The following ZNF618 variants were observed in gnomAD, a reference collection of about 807,000 sequenced individuals.
The protein encoded by ZNF618 is neural precursor cell expressed, developmentally down-regulated 10.
A neutral mutation model predicts 103.0 loss-of-function variants in ZNF618; 34 were observed. That is an observed-to-expected ratio of 0.33 (90% CI 0.25 to 0.44). The LOEUF (loss-of-function observed/expected upper bound fraction) is 0.44. Ranked by LOEUF, ZNF618 falls within the 20% of genes least tolerant of loss-of-function variation. The probability of loss-of-function intolerance (pLI) is 1.00; values close to 1 mark genes in which losing one functional copy is unlikely to be tolerated. For synonymous variants in ZNF618, 551 were observed against 542.2 expected, an observed-to-expected ratio of 1.02 and a Z score of -0.23; for missense variants, 1,059 against 1,295.4, an observed-to-expected ratio of 0.82 and a Z score of 2.80.
At position 113,898,008 on chromosome 9, in the gene ZNF618, G is replaced by A. The variant is rs139080378; in HGVS notation, c.33+21595G>A. Among the ~76,000 whole-genome samples, 1,034 of 152,260 alleles carry A rather than the reference G, an allele frequency of 6.8e-3. 9 individuals are homozygous for A. Among genetic ancestry groups the A allele is most frequent in the Non-Finnish European group, 7.0e-3 (477 of 68,006 alleles). On this transcript the variant is annotated intron_variant, in intron 1 of 14. Transcript: ENST00000374126. ...GGATTTTTCCATGTTGGGCAGGCTGGTCTTGAACTCCTGACCTCAGATGAT... is the reference window on the plus strand; with the variant it reads ...GGATTTTTCCATGTTGGGCAGGCTGATCTTGAACTCCTGACCTCAGATGAT...
chr9:113,976,944 G>A (rs917621477), intron 2 of ZNF618, among the ~76,000 whole-genome samples: 1 of 152,106 alleles, frequency 6.6e-6, no homozygotes, highest in Non-Finnish European at 1.5e-5. Context: ...TCCTAGCAAC[G>A]ATCCCTGCAT....
At chr9:113,972,802 C>T (rs915463314) in intron 2 of ZNF618, among the ~76,000 whole-genome samples, 2 of 152,204 alleles carry the variant, frequency 1.3e-5, no homozygotes, top group Non-Finnish European at 2.9e-5. Context: ...TGCGGTGGCT[C>T]ACCCCTGTAA....
intron 13 of ZNF618, among the ~76,000 whole-genome samples, chr9:114,038,651 C>A (rs1048346938): frequency 1.2e-4 from 18 of 152,206 alleles, no homozygotes; most frequent in African/African-American, 4.3e-4. Context: ...CCTGGCGTGC[C>A]TTGGTGACGT....
chr9:114,039,059 C>A (rs1844885109), intron 13 of ZNF618, among the ~76,000 whole-genome samples: 1 of 152,174 alleles, frequency 6.6e-6, no homozygotes, highest in African/African-American at 2.4e-5. Context: ...TATGCAGTCA[C>A]TGTGGCAGGC....
chr9:113,969,248 C>T, intron 2 of ZNF618, 88 bp downstream of exon 2: 1 of 1,529,270 alleles, frequency 6.5e-7, no homozygotes, highest in Non-Finnish European at 9.1e-7. Context: ...CCTCATCTTC[C>T]CCCTGGAAGG....
At chr9:114,000,532 G>A (rs981229167) in intron 4 of ZNF618, among the ~76,000 whole-genome samples, 1 of 148,610 alleles carries the variant, frequency 6.7e-6, no homozygotes, top group African/African-American at 2.5e-5. Flanking sequence ...TTTTATGTGT[G>A]GCCCAAGACA....
At chr9:113,950,889 G>A (rs985554685) in intron 1 of ZNF618, among the ~76,000 whole-genome samples, 7 of 151,658 alleles carry the variant, frequency 4.6e-5, no homozygotes, top group African/African-American at 1.5e-4. Context: ...GTGGAAGCAG[G>A]TCCAGGAACC....
At chr9:114,001,905 G>C (rs1399911530) in intron 4 of ZNF618, 91 bp from the exon 5 acceptor site, 1 of 1,119,388 alleles carries the variant, frequency 8.9e-7, no homozygotes, top group Non-Finnish European at 1.4e-6. Context: ...GGGACAGAGA[G>C]TTAGCCACAC....
At chr9:113,884,624 C>T (rs1353926300) in intron 1 of ZNF618, among the ~76,000 whole-genome samples, 3 of 152,112 alleles carry the variant, frequency 2.0e-5, no homozygotes, top group African/African-American at 7.2e-5. Flanking sequence ...TGGCCAGCGG[C>T]CTCAGAGTCC....
intron 1 of ZNF618, among the ~76,000 whole-genome samples, chr9:113,915,935 T>G (rs1832030257): frequency 6.6e-6 from 1 of 152,250 alleles, no homozygotes; most frequent in African/African-American, 2.4e-5. Context: ...AGATGCTTAT[T>G]AAATATTCGT....
chr9:113,965,089 T>C (rs1837263953), intron 1 of ZNF618, among the ~76,000 whole-genome samples: 1 of 152,020 alleles, frequency 6.6e-6, no homozygotes. Context: ...TGCTTGGATT[T>C]ATTTCCAATA....
chr9:113,999,262 G>A (rs547180292), intron 4 of ZNF618, among the ~76,000 whole-genome samples: 4 of 151,130 alleles, frequency 2.6e-5, no homozygotes, highest in African/African-American at 4.9e-5. Context: ...TAGGCTGATC[G>A]AGGGGCAGGC....
intron 10 of ZNF618, among the ~76,000 whole-genome samples, chr9:114,024,173 A>G (rs1431767883): frequency 6.6e-6 from 1 of 152,184 alleles, no homozygotes; most frequent in Admixed American, 6.5e-5. Context: ...CCTGTCTTCA[A>G]GTTCACTGAT....
chr9:113,997,375 C>G (rs959207413), intron 3 of ZNF618, among the ~76,000 whole-genome samples: 11 of 152,176 alleles, frequency 7.2e-5, no homozygotes, highest in African/African-American at 2.7e-4. Context: ...TCCCAAAATG[C>G]TGAGATTCAC....
At chr9:113,938,840 G>A (rs1048831621) in intron 1 of ZNF618, among the ~76,000 whole-genome samples, 1 of 152,162 alleles carries the variant, frequency 6.6e-6, no homozygotes, top group African/African-American at 2.4e-5. Flanking sequence ...GAAGTGCTGG[G>A]ATTACAGGTG....
intron 1 of ZNF618, among the ~76,000 whole-genome samples, chr9:113,963,865 T>TG (rs979946212): frequency 6.6e-6 from 1 of 152,130 alleles, no homozygotes; most frequent in Non-Finnish European, 1.5e-5. Flanking sequence ...GCACACACCC[T>TG]GGGGGGTGAC....
At chr9:113,964,564 T>A (rs557037242) in intron 1 of ZNF618, among the ~76,000 whole-genome samples, 1 of 152,148 alleles carries the variant, frequency 6.6e-6, no homozygotes, top group African/African-American at 2.4e-5. Flanking sequence ...CATTTTATAA[T>A]TGAATTAAAT....
intron 13 of ZNF618, among the ~76,000 whole-genome samples, chr9:114,041,342 A>C (rs983051903): frequency 1.1e-4 from 16 of 152,224 alleles, no homozygotes; most frequent in African/African-American, 2.9e-4. Flanking sequence ...ATTAGATGCC[A>C]TTTGTCAATT....
chr9:113,988,632 G>A, intron 3 of ZNF618, 52 bp downstream of exon 3: 1 of 1,548,518 alleles, frequency 6.5e-7, no homozygotes, highest in South Asian at 1.2e-5. Context: ...GGAACATGGA[G>A]TCAGAGTCCT....
Sources: gnomAD v4.1 joint callset for allele counts (sites outside exome capture counted in the v4.1 genomes callset) on GRCh38, gnomAD v4.1.1 for gene constraint, MANE v1.5 for transcripts, NCBI Gene and HGNC (gene_info 2026-07-23, HGNC 2026-07-21) for gene names.